Variants in DPP6 observed in about 807,000 individuals in gnomAD.
The protein encoded by DPP6 is dipeptidyl peptidase like 6.
In DPP6, 69 loss-of-function variants were observed where a neutral mutation model predicts 122.6. The ratio of observed to expected loss-of-function variants is 0.56; its 90% CI spans 0.46 to 0.69. DPP6 has a LOEUF of 0.69. Ranked by LOEUF, DPP6 falls within the 30% of genes least tolerant of loss-of-function variation. DPP6 has a pLI of 0.00. For synonymous variants in DPP6, 418 were observed against 433.1 expected (o/e 0.97, Z 0.43); for missense variants, 928 against 1,116.9 (o/e 0.83, Z 2.41).
At chr7:154,447,441 A>G (rs1447542070) in intron 2 of DPP6, among the ~76,000 whole-genome samples, 1 of 152,170 alleles carries the variant, frequency 6.6e-6, no homozygotes, top group African/African-American at 2.4e-5. Context: ...TTTAATTCTC[A>G]GTAAATACAT....
chr7:154,360,484 A>G (rs1811636201), intron 1 of DPP6, among the ~76,000 whole-genome samples: 1 of 152,238 alleles, frequency 6.6e-6, no homozygotes, highest in Non-Finnish European at 1.5e-5. Context: ...AGAAATTCTC[A>G]GGACATGAAA....
At chr7:154,239,837 AAAAG>A (rs1298402128) in intron 1 of DPP6, among the ~76,000 whole-genome samples, 4 of 151,064 alleles carry the variant, frequency 2.6e-5, no homozygotes, top group Admixed American at 2.0e-4. Flanking sequence ...AAAAAAAAGA[AAAAG>A]AAAAGCCAGG....
chr7:154,802,547 A>G (rs1798436663), intron 13 of DPP6, among the ~76,000 whole-genome samples: 1 of 152,138 alleles, frequency 6.6e-6, no homozygotes, highest in Non-Finnish European at 1.5e-5. Flanking sequence ...TTATTATTTT[A>G]CATCACTTAT....
intron 3 of DPP6, among the ~76,000 whole-genome samples, chr7:154,509,896 C>G (rs1421409869): frequency 6.6e-6 from 1 of 151,846 alleles, no homozygotes; most frequent in Non-Finnish European, 1.5e-5. Context: ...TCTATACAGA[C>G]AGAAAATGGG....
rs1372692083 is a variant in DPP6 at position 154,328,971 on chromosome 7, C to A, written c.244-117243C>A. 2.6e-5 allele frequency among the ~76,000 whole-genome samples: 4 copies of A among 152,330 alleles called. No homozygotes were observed. In the East Asian group the frequency reaches 7.7e-4, roughly 29 times the overall value. ...TGTTTAGAAACATTGAAAAATGTTG[C>A]TAACTGTGGATAGCTCTGTAAGTAG... On this transcript the variant is annotated intron_variant, in intron 1 of 25. Coordinates refer to ENST00000377770, the MANE Select transcript of DPP6 (RefSeq NM_130797.4).
the DPP6 span, among the ~76,000 whole-genome samples, chr7:153,833,038 G>A: frequency 7.2e-5 from 11 of 152,166 alleles, no homozygotes; most frequent in African/African-American, 2.7e-4. Flanking sequence ...TGCCGTGTAT[G>A]GAAAACTTAG....
At chr7:154,546,362 T>C (rs1829189319) in intron 4 of DPP6, among the ~76,000 whole-genome samples, 1 of 152,128 alleles carries the variant, frequency 6.6e-6, no homozygotes, top group South Asian at 2.1e-4. Context: ...ATTCAATAAT[T>C]TTAATCGGGA....
intron 8 of DPP6, among the ~76,000 whole-genome samples, chr7:154,759,528 C>T (rs868143740): frequency 1.5e-4 from 23 of 152,344 alleles, no homozygotes; most frequent in East Asian, 9.7e-4. Flanking sequence ...TCTTTCCTTC[C>T]GCTTCCCTCT....
chr7:153,859,838 T>G, the DPP6 span, among the ~76,000 whole-genome samples: 323 of 152,262 alleles, frequency 2.1e-3, no homozygotes, highest in African/African-American at 7.6e-3. Flanking sequence ...AAATGCCAGA[T>G]GCTTATAAAA....
chr7:154,638,422 G>A lies in DPP6; in HGVS notation c.680+549G>A, dbSNP rs779945773. Among the ~76,000 whole-genome samples the A allele has an allele frequency of 8.5e-5, 13 of 152,304 alleles. 1 individual carries two copies. In the Middle Eastern group the frequency reaches 0.014, roughly 159 times the overall value. On this transcript the variant is annotated intron_variant, in intron 6 of 25. Transcript: ENST00000377770. ...GCTGCTCTACCCATCACTCCGAGGG[G>A]GTTTCAGCGGCGTGTTGTTCTTGTT...
At chr7:154,478,050 G>A (rs750833584) in intron 3 of DPP6, among the ~76,000 whole-genome samples, 12 of 149,424 alleles carry the variant, frequency 8.0e-5, no homozygotes, top group African/African-American at 2.5e-4. Context: ...CTCTCTTCCC[G>A]CTCCCTAAAG....
chr7:154,679,518 T>C (rs1331691927), intron 7 of DPP6, among the ~76,000 whole-genome samples: 1 of 152,154 alleles, frequency 6.6e-6, no homozygotes, highest in African/African-American at 2.4e-5. Context: ...CTCCTACAAG[T>C]TACAGCCTGG....
chr7:154,245,269 T>A (rs1801900112), intron 1 of DPP6, among the ~76,000 whole-genome samples: 2 of 151,976 alleles, frequency 1.3e-5, no homozygotes, highest in Admixed American at 1.3e-4. Context: ...GGACTCACTT[T>A]AAATACAGAG....
intron 1 of DPP6, among the ~76,000 whole-genome samples, chr7:153,943,179 C>A (rs904507844): frequency 6.6e-6 from 1 of 152,040 alleles, no homozygotes; most frequent in South Asian, 2.1e-4. Context: ...AATTAGAGCA[C>A]GAAATACAAA....
In DPP6 at chr7:154,062,726, AG is replaced by A. The variant is rs569916588; in HGVS notation, c.243+9672del. On this transcript the variant is annotated intron_variant, in intron 1 of 25. Transcript: ENST00000377770. ...ACCTGGCTGTTGGTACCCCCATCGT[AG>A]GGGGGGGGAGGCACCCTCCGCGAGG... Among the ~76,000 whole-genome samples, 53 of 47,028 alleles carry A rather than the reference AG, an allele frequency of 1.1e-3. 10 individuals are homozygous for A. Among genetic ancestry groups the A allele is most frequent in the South Asian group, 4.1e-3 (4 of 976 alleles). The allele number at this position is 47,028 out of a possible 152,430, so 30.9% of individuals were successfully genotyped here.
At chr7:154,159,803 A>G (rs1796886432) in intron 1 of DPP6, among the ~76,000 whole-genome samples, 2 of 152,208 alleles carry the variant, frequency 1.3e-5, no homozygotes, top group East Asian at 3.8e-4. Context: ...ATATGTCTAT[A>G]TTGCAGATTA....
chr7:154,132,211 G>T (rs1563231404), intron 1 of DPP6, among the ~76,000 whole-genome samples: 1 of 152,168 alleles, frequency 6.6e-6, no homozygotes, highest in Non-Finnish European at 1.5e-5. Context: ...CTGGACAGCT[G>T]ATTGATTTGC....
intron 1 of DPP6, among the ~76,000 whole-genome samples, chr7:154,445,511 G>A (rs973748835): frequency 2.6e-5 from 4 of 152,120 alleles, no homozygotes; most frequent in Non-Finnish European, 5.9e-5. Flanking sequence ...CCCTTTAGCA[G>A]TGTCTCCAGA....
In DPP6 at chr7:154,880,945, G is replaced by A. The variant is rs749470473; in HGVS notation, c.2133+3G>A. ...CGCGCGTGGCCGTGTTTGGGAAGGT[G>A]AGTCTGCGCCACCCTGGTCTGAAAA... On this transcript the variant is annotated splice_donor_region_variant and intron_variant, in intron 21 of 25. Transcript: ENST00000377770. 2 of 1,613,900 alleles carry A rather than the reference G, an allele frequency of 1.2e-6. No individual in the cohort carries two copies. Among genetic ancestry groups the A allele is most frequent in the Middle Eastern group, 1.6e-4 (1 of 6,062 alleles).
Sources: gnomAD v4.1 joint callset for allele counts (sites outside exome capture counted in the v4.1 genomes callset) on GRCh38, gnomAD v4.1.1 for gene constraint, MANE v1.5 for transcripts, NCBI Gene and HGNC (gene_info 2026-07-23, HGNC 2026-07-21) for gene names.